UTP20: variants seen among roughly 807,000 people sequenced by gnomAD.
UTP20 encodes the protein UTP20 small subunit processome component.
Under a neutral mutation model 329.5 loss-of-function variants are expected in UTP20, and 164 were observed. The ratio of observed to expected loss-of-function variants is 0.50; its 90% CI spans 0.44 to 0.57. The LOEUF is 0.57. UTP20 is among the 20% of genes least tolerant of loss of function. The probability of loss-of-function intolerance (pLI) is 0.00; values close to 1 mark genes in which losing one functional copy is unlikely to be tolerated. For synonymous variants in UTP20, 1,151 were observed against 1,159.3 expected (o/e 0.99, Z 0.14); for missense variants, 3,055 against 3,284.2 (o/e 0.93, Z 1.71).
At chr12:101,350,928 G>A (rs946856386) in intron 38 of UTP20, among the ~76,000 whole-genome samples, 3 of 152,086 alleles carry the variant, frequency 2.0e-5, no homozygotes, top group African/African-American at 7.2e-5. Context: ...TCTAGCTACC[G>A]TAGCCTCAAA....
At position 101,386,221 on chromosome 12, in the gene UTP20, T is replaced by C. The variant is rs1870830012; in HGVS notation, c.*98T>C. ...GGGGTAGGGGGGAGGCGTTTTTTTT[T>C]TTTTTTGAGACAAGGTCTCACTCTG... On this transcript the variant is annotated 3_prime_UTR_variant, in exon 62 of 62. Transcript: ENST00000261637. The C allele has an allele frequency of 2.5e-6, 3 of 1,212,834 alleles. No individual in the cohort carries two copies. The highest frequency in any genetic ancestry group is 2.5e-4 in the Middle Eastern group (1 of 4,018). 75.1% of individuals were successfully genotyped at this position (1,212,834 alleles called of 1,614,324 possible). A position where few individuals can be genotyped will look rare whatever the true frequency, so the allele number is the denominator to read the frequency against.
At chr12:101,317,404 C>A in intron 21 of UTP20, 74 bp from the exon 22 acceptor site, 3 of 1,503,120 alleles carry the variant, frequency 2.0e-6, no homozygotes, top group Non-Finnish European at 1.8e-6. Context: ...GGACATCTCT[C>A]ATGAACAGAA....
At chr12:101,377,520 C>T (rs924871804) in intron 56 of UTP20, among the ~76,000 whole-genome samples, 10 of 152,076 alleles carry the variant, frequency 6.6e-5, no homozygotes, top group African/African-American at 2.2e-4. Context: ...TTAGTAGAGA[C>T]AGGTTTTCAC....
rs908980794 is a variant in UTP20, at chr12:101,322,883, A to G, written c.3041+1254A>G. Among the ~76,000 whole-genome samples, 10 of 152,372 alleles carry G rather than the reference A, an allele frequency of 6.6e-5. No individual in the cohort carries two copies. The East Asian group carries it at 9.6e-4, about 15-fold the overall frequency. On this transcript the variant is annotated intron_variant, in intron 25 of 61. Transcript: ENST00000261637. Reference sequence around the variant, plus strand: ...TACAGAAACAATAAAAATAGAAAGCAGAAATCATCTTATATCCAAACACTC... The same window carrying G: ...TACAGAAACAATAAAAATAGAAAGCGGAAATCATCTTATATCCAAACACTC...
chr12:101,384,382 G>T (rs1017350377), intron 60 of UTP20, among the ~76,000 whole-genome samples: 4 of 152,124 alleles, frequency 2.6e-5, no homozygotes, highest in Admixed American at 1.3e-4. Flanking sequence ...CTCTACAAAA[G>T]ATACAAAAAT....
At chr12:101,346,310 C>A (rs896013540) in intron 37 of UTP20, 141 bp from the exon 38 acceptor site, 1 of 953,940 alleles carries the variant, frequency 1.0e-6, no homozygotes, top group Middle Eastern at 3.5e-4. Flanking sequence ...CTCGGCCTCC[C>A]GAGTGCTAGG....
In UTP20 at chr12:101,299,011, TA is replaced by T. The variant is rs1872445792; in HGVS notation, c.1431-667del. Among the ~76,000 whole-genome samples the T allele has an allele frequency of 3.9e-5, 6 of 152,154 alleles. No homozygotes were observed. In the South Asian group the frequency reaches 1.2e-3, roughly 32 times the overall value. On this transcript the variant is annotated intron_variant, in intron 12 of 61. Transcript: ENST00000261637. ...CCAAACTGGAGTTGGAGGATAATTG[TA>T]AAACAGATCATTTAACTTAAGATTT...
intron 19 of UTP20, 35 bp downstream of exon 19, chr12:101,309,874 CT>C: frequency 6.4e-7 from 1 of 1,570,224 alleles, no homozygotes; most frequent in Non-Finnish European, 8.8e-7. Context: ...AACTATTATA[CT>C]TTAACTACTG....
rs781721867 is a variant in UTP20, at chr12:101,329,387, A to G, written c.3355A>G (p.Ile1119Val). 1 of 1,614,140 alleles carries G rather than the reference A, an allele frequency of 6.2e-7. No individual in the cohort carries two copies. Among genetic ancestry groups the G allele is most frequent in the South Asian group, 1.1e-5 (1 of 91,076 alleles). The change falls in exon 27 of 62, where the codon ATT (isoleucine) becomes GTT (valine). Residue 1119 changes from isoleucine to valine, a missense_variant. Ile to Val is a conservative substitution (Grantham distance 29). This residue lies in a region of UTP20 where 2,445 missense variants were observed against 2,575.5 expected (regional missense o/e 0.95). Transcript: ENST00000261637. ...SHLISAYLPK[I>V]LQILLCMTAT... The stretch of plus-strand genomic sequence containing the variant: ...TCTGATCAGCGCATACCTGCCGAAG[A>G]TTTTGCAGATACTGCTCTGTATGAC...
intron 43 of UTP20, 139 bp from the exon 44 acceptor site, chr12:101,361,823 T>C (rs1869931161): frequency 1.5e-6 from 1 of 662,542 alleles, no homozygotes. Context: ...GAAATAACTA[T>C]GTGTCATTTG....
At chr12:101,380,639 G>A (rs1658448786) in intron 57 of UTP20, among the ~76,000 whole-genome samples, 1 of 151,950 alleles carries the variant, frequency 6.6e-6, no homozygotes, top group Admixed American at 6.6e-5. Flanking sequence ...GAGGTGGGTG[G>A]ATCACCTGAG....
At chr12:101,293,534 G>A (rs1872242317) in intron 11 of UTP20, among the ~76,000 whole-genome samples, 1 of 152,138 alleles carries the variant, frequency 6.6e-6, no homozygotes, top group South Asian at 2.1e-4. Flanking sequence ...AATTTGCACT[G>A]GTGGAAGTTT....
chr12:101,367,704 C>G (rs913944478), intron 47 of UTP20, among the ~76,000 whole-genome samples, 156 bp from the exon 48 acceptor site: 5 of 152,162 alleles, frequency 3.3e-5, no homozygotes, highest in African/African-American at 1.2e-4. Context: ...TTACTGAGAC[C>G]CTCCCAGGCA....
At chr12:101,314,707 A>G (rs1478150399) in intron 21 of UTP20, among the ~76,000 whole-genome samples, 2 of 151,774 alleles carry the variant, frequency 1.3e-5, no homozygotes, top group African/African-American at 2.4e-5. Flanking sequence ...TGAAAACAGC[A>G]AGTTTGGACA....
chr12:101,349,409 T>C (rs1869443213), intron 38 of UTP20, among the ~76,000 whole-genome samples: 1 of 151,264 alleles, frequency 6.6e-6, no homozygotes. Flanking sequence ...ATTTTCTTTT[T>C]TTTTCTTTCT....
Position 101,379,372 on chromosome 12 carries a change from T to C in UTP20, c.7398T>C (p.Ser2466=). The C allele has an allele frequency of 6.2e-7, 1 of 1,603,178 alleles. No individual in the cohort carries two copies. Among genetic ancestry groups the C allele is most frequent in the African/African-American group, 1.3e-5 (1 of 74,616 alleles). ...KPAETLSKIW[S]HVHSHLRHPH... ...ACAAATGCTTTTTGGTTCCCTTAGG[T>C]CATGTGCATTCTCACCTGAGACATC... Residue 2466 remains serine, a splice_region_variant and synonymous_variant, in exon 57 of 62, where the codon AGT becomes AGC. Transcript: ENST00000261637.
rs369203212 is a variant in UTP20 at position 101,383,190 on chromosome 12, C to A, written c.7806C>A (p.Asp2602Glu). The A allele has an allele frequency of 1.2e-6, 2 of 1,613,960 alleles. No individual in the cohort carries two copies. The highest frequency in any genetic ancestry group is 1.1e-5 in the South Asian group (1 of 91,066). Residue 2602 changes from aspartate to glutamate, a missense_variant, in exon 59 of 62, where the codon GAC becomes GAA. This residue lies in a region of UTP20 where 337 missense variants were observed against 345.5 expected (regional missense o/e 0.98). Transcript: ENST00000261637. ...VACADEKAES[D>E]GEEKEEVKEE... ...GTGCAGATGAGAAGGCGGAGTCTGACGGAGAAGAGAAGGAAGAGGTGAAGG... is the reference window on the plus strand; with the variant it reads ...GTGCAGATGAGAAGGCGGAGTCTGAAGGAGAAGAGAAGGAAGAGGTGAAGG...
chr12:101,327,636 C>T (rs952863088), intron 26 of UTP20, among the ~76,000 whole-genome samples: 2 of 152,088 alleles, frequency 1.3e-5, no homozygotes, highest in Non-Finnish European at 2.9e-5. Context: ...TTCATCTATT[C>T]GGTAATGATT....
At chr12:101,307,478 G>A (rs779083968) in intron 17 of UTP20, among the ~76,000 whole-genome samples, 2 of 152,058 alleles carry the variant, frequency 1.3e-5, no homozygotes, top group Non-Finnish European at 2.9e-5. Flanking sequence ...CCCGGCTCAA[G>A]CGATCCTCCT....
Sources: allele counts gnomAD v4.1 joint callset (sites outside exome capture counted in the v4.1 genomes callset), GRCh38; gene constraint gnomAD v4.1.1; regional missense constraint gnomAD v4.1.1; transcripts MANE v1.5; gene names NCBI Gene and HGNC (gene_info 2026-07-23, HGNC 2026-07-21).